Variants in GPCPD1 observed in about 807,000 individuals in gnomAD.
GPCPD1 encodes the protein glycerophosphocholine phosphodiesterase 1, also known as glycerophosphocholine phosphodiesterase GPCPD1.
GPCPD1 carries 29 observed loss-of-function variants against 89.2 expected under a neutral mutation model. The ratio of observed to expected loss-of-function variants is 0.33; its 90% CI spans 0.24 to 0.44. The LOEUF (loss-of-function observed/expected upper bound fraction) is 0.44. Ranked by LOEUF, GPCPD1 falls within the 20% of genes least tolerant of loss-of-function variation. The probability of loss-of-function intolerance (pLI) is 1.00; values close to 1 mark genes in which losing one functional copy is unlikely to be tolerated. For synonymous variants in GPCPD1, 258 were observed against 266.3 expected (o/e 0.97, Z 0.30); for missense variants, 594 against 808.9 (o/e 0.73, Z 3.22).
chr20:5,604,749 G>C (rs2122816496), intron 1 of GPCPD1, among the ~76,000 whole-genome samples: 2 of 144,488 alleles, frequency 1.4e-5, no homozygotes, highest in Middle Eastern at 3.6e-3. Context: ...AGACCAATTT[G>C]GGCAATATAG....
In GPCPD1 at chr20:5,545,036, T is replaced by C. The variant is rs112527631; in HGVS notation, c.*2625A>G. The C allele has an allele frequency of 9.3e-5, 14 of 150,046 alleles. No individual in the cohort carries two copies. Among genetic ancestry groups the C allele is most frequent in the African/African-American group, 3.0e-4 (12 of 40,032 alleles). The allele number at this position is 150,046 out of a possible 1,614,324, so 9.3% of individuals were successfully genotyped here. A position where few individuals can be genotyped will look rare whatever the true frequency, so the allele number is the denominator to read the frequency against. Reference sequence around the variant, plus strand: ...ATTTACAGCACATAATTCCAGAGAGTAGAAAATACCAGAGGATAATGGCGG... The same window carrying C: ...ATTTACAGCACATAATTCCAGAGAGCAGAAAATACCAGAGGATAATGGCGG... On this transcript the variant is annotated 3_prime_UTR_variant, in exon 20 of 20. Transcript: ENST00000379019.
chr20:5,601,613 C>T (rs765282841), intron 2 of GPCPD1, among the ~76,000 whole-genome samples: 3 of 152,040 alleles, frequency 2.0e-5, no homozygotes, highest in Non-Finnish European at 4.4e-5. Flanking sequence ...AGATGATCCA[C>T]CCACCTCGGC....
chr20:5,599,136 C>T lies in GPCPD1; in HGVS notation c.50-315G>A, dbSNP rs143871328. Among the ~76,000 whole-genome samples, 760 of 152,348 alleles carry T rather than the reference C, an allele frequency of 5.0e-3. 6 individuals are homozygous for T. The highest frequency in any genetic ancestry group is 0.017 in the African/African-American group (719 of 41,582). On this transcript the variant is annotated intron_variant, in intron 2 of 19. Transcript: ENST00000379019. ...AAAAGGGATAAAACCACAGTCTCTG[C>T]TTTCAAGACAGCTTCCAATTTTAAC...
intron 2 of GPCPD1, among the ~76,000 whole-genome samples, chr20:5,602,588 G>A (rs893547611): frequency 6.6e-6 from 1 of 152,244 alleles, no homozygotes; most frequent in African/African-American, 2.4e-5. Context: ...TAGATGTAGT[G>A]TGAGTCATTC....
chr20:5,552,111 T>A (rs1985448690), intron 19 of GPCPD1, among the ~76,000 whole-genome samples: 1 of 152,336 alleles, frequency 6.6e-6, no homozygotes, highest in Admixed American at 6.5e-5. Context: ...TATTTTATTA[T>A]AAGACTTATC....
At chr20:5,548,372 A>G (rs1568636886) in intron 19 of GPCPD1, 2 of 152,388 alleles carry the variant, frequency 1.3e-5, no homozygotes, top group Non-Finnish European at 2.9e-5. Context: ...CAGAGAAAAG[A>G]TGGCCTCCTG....
chr20:5,573,703 A>G (rs958018948), intron 11 of GPCPD1, among the ~76,000 whole-genome samples: 2 of 152,198 alleles, frequency 1.3e-5, no homozygotes, highest in East Asian at 1.9e-4. Context: ...TGTTCGCACC[A>G]CTGCATTCCA....
intron 6 of GPCPD1, among the ~76,000 whole-genome samples, chr20:5,580,919 G>A (rs1354545323): frequency 3.3e-5 from 5 of 150,522 alleles, no homozygotes; most frequent in Non-Finnish European, 7.4e-5. Flanking sequence ...TGTTGCCCAG[G>A]CTAGAGTGCA....
intron 19 of GPCPD1, among the ~76,000 whole-genome samples, chr20:5,556,450 C>T (rs529561422): frequency 1.3e-5 from 2 of 152,180 alleles, no homozygotes; most frequent in Admixed American, 6.5e-5. Flanking sequence ...ATGATCTGCC[C>T]GCCTCAGCCT....
intron 4 of GPCPD1, among the ~76,000 whole-genome samples, chr20:5,591,336 A>G (rs1019919069): frequency 2.0e-5 from 3 of 152,208 alleles, no homozygotes; most frequent in Non-Finnish European, 4.4e-5. Flanking sequence ...TGAATGGTAA[A>G]ATTTCATTTA....
chr20:5,597,947 G>A (rs1979846538), intron 3 of GPCPD1, among the ~76,000 whole-genome samples: 1 of 151,674 alleles, frequency 6.6e-6, no homozygotes, highest in Non-Finnish European at 1.5e-5. Context: ...ATACTTCAAG[G>A]AAATACTTTT....
intron 5 of GPCPD1, chr20:5,584,629 G>A (rs1162706798): frequency 5.8e-6 from 1 of 172,206 alleles, no homozygotes; most frequent in Non-Finnish European, 1.2e-5. Flanking sequence ...CAATGTACAA[G>A]ACTCACAGGT....
intron 2 of GPCPD1, among the ~76,000 whole-genome samples, chr20:5,603,967 G>C (rs1980368416): frequency 6.6e-6 from 1 of 151,918 alleles, no homozygotes; most frequent in Non-Finnish European, 1.5e-5. Flanking sequence ...GGCTGGTCTT[G>C]AACTCCTGAC....
At chr20:5,600,659 C>A (rs1309828331) in intron 2 of GPCPD1, among the ~76,000 whole-genome samples, 2 of 152,106 alleles carry the variant, frequency 1.3e-5, no homozygotes, top group African/African-American at 4.8e-5. Flanking sequence ...TAGTGAAACC[C>A]CATCTCTACT....
chr20:5,582,397 C>CA (rs1978599649), intron 6 of GPCPD1, among the ~76,000 whole-genome samples: 1 of 151,972 alleles, frequency 6.6e-6, no homozygotes, highest in Admixed American at 6.6e-5. Context: ...TAAATACTGC[C>CA]AGAGCATGTT....
At chr20:5,560,310 G>GT (rs1986015002) in intron 16 of GPCPD1, among the ~76,000 whole-genome samples, 1 of 152,090 alleles carries the variant, frequency 6.6e-6, no homozygotes, top group African/African-American at 2.4e-5. Flanking sequence ...CAAAAAGCAA[G>GT]TAACTATTAA....
chr20:5,564,723 G>C (rs1278815270), intron 15 of GPCPD1, among the ~76,000 whole-genome samples: 1 of 152,098 alleles, frequency 6.6e-6, no homozygotes, highest in Non-Finnish European at 1.5e-5. Context: ...TGCAGTTCCA[G>C]CTATTTGAGA....
At chr20:5,593,510 A>C in intron 3 of GPCPD1, 99 bp from the exon 4 acceptor site, 1 of 692,182 alleles carries the variant, frequency 1.4e-6, no homozygotes, top group South Asian at 1.6e-5. Flanking sequence ...ACGTATGACC[A>C]ATATCACTTA....
intron 11 of GPCPD1, among the ~76,000 whole-genome samples, chr20:5,572,468 C>T (rs1986777729): frequency 6.6e-6 from 1 of 151,964 alleles, no homozygotes; most frequent in African/African-American, 2.4e-5. Context: ...AGTTGTAAAC[C>T]CATTCCAATT....
Sources: gnomAD v4.1 joint callset for allele counts (sites outside exome capture counted in the v4.1 genomes callset) on GRCh38, gnomAD v4.1.1 for gene constraint, MANE v1.5 for transcripts, NCBI Gene and HGNC (gene_info 2026-07-23, HGNC 2026-07-21) for gene names.